RIN2: variants seen among roughly 807,000 people sequenced by gnomAD.
RIN2 encodes Ras and Rab interactor 2, also known as RAB5 interacting protein 2.
A neutral mutation model predicts 78.0 loss-of-function variants in RIN2; 36 were observed. That is an observed-to-expected ratio of 0.46 (90% CI 0.35 to 0.61). The LOEUF (loss-of-function observed/expected upper bound fraction) is 0.61. Ranked by LOEUF, RIN2 falls within the 20% of genes least tolerant of loss-of-function variation. The pLI, the probability that RIN2 is intolerant of heterozygous loss-of-function variation, is 0.00. For missense variants in RIN2, 1,087 were observed against 1,159.7 expected, an observed-to-expected ratio of 0.94 and a Z score of 0.91; for synonymous variants, 466 against 466.8, an observed-to-expected ratio of 1.00 and a Z score of 0.02.
At chr20:19,959,642 A>G (rs1034482285) in intron 5 of RIN2, among the ~76,000 whole-genome samples, 2 of 152,244 alleles carry the variant, frequency 1.3e-5, no homozygotes, top group African/African-American at 4.8e-5. Context: ...TTAGGCAGGG[A>G]AAAAATGAAA....
chr20:19,798,376 G>T (rs1568761242), intron 1 of RIN2, among the ~76,000 whole-genome samples: 1 of 152,168 alleles, frequency 6.6e-6, no homozygotes, highest in African/African-American at 2.4e-5. Flanking sequence ...ACCCAGGCAT[G>T]AAGGAAGGGA....
intron 1 of RIN2, among the ~76,000 whole-genome samples, chr20:19,799,295 G>T (rs1311389547): frequency 6.6e-6 from 1 of 152,182 alleles, no homozygotes; most frequent in African/African-American, 2.4e-5. Flanking sequence ...TGATGCAAGG[G>T]ATAAGGGAAG....
In RIN2 at chr20:19,948,891, C is replaced by T. The variant is rs1470850628; in HGVS notation, c.159-7724C>T. Among the ~76,000 whole-genome samples, 3 of 152,176 alleles carry T rather than the reference C, an allele frequency of 2.0e-5. No homozygotes were observed. In the East Asian group the frequency reaches 5.8e-4, roughly 29 times the overall value. Reference sequence around the variant, plus strand: ...GATCACAGCTCACTGCAGCCTCAACCTCCTAGGCTCAAGCAATCCACCTCC... The same window carrying T: ...GATCACAGCTCACTGCAGCCTCAACTTCCTAGGCTCAAGCAATCCACCTCC... On this transcript the variant is annotated intron_variant, in intron 4 of 12. Transcript: ENST00000255006.
intron 9 of RIN2, among the ~76,000 whole-genome samples, chr20:19,981,468 A>C (rs772476999): frequency 5.3e-5 from 8 of 152,216 alleles, no homozygotes; most frequent in Non-Finnish European, 1.0e-4. Context: ...GGGATGGAGT[A>C]GAATTAAGCT....
chr20:19,851,667 A>G (rs776930885), intron 2 of RIN2, among the ~76,000 whole-genome samples: 6 of 152,084 alleles, frequency 3.9e-5, no homozygotes, highest in Non-Finnish European at 7.4e-5. Flanking sequence ...GAATGCAGTG[A>G]GTTATGATTG....
At position 19,856,672 on chromosome 20, in the gene RIN2, A is replaced by C. The variant is rs1353980791; in HGVS notation, c.-36-32894A>C. On this transcript the variant is annotated intron_variant, in intron 2 of 12. Transcript: ENST00000255006. ...AGGGAGAGAGATATTGCCATGGTTTAATTGGCAATGTCTGTTTCATTAGAT... is the reference window on the plus strand; with the variant it reads ...AGGGAGAGAGATATTGCCATGGTTTCATTGGCAATGTCTGTTTCATTAGAT... Among the ~76,000 whole-genome samples the C allele has an allele frequency of 3.9e-5, 6 of 152,220 alleles. No homozygotes were observed. The South Asian group carries it at 8.3e-4, about 21-fold the overall frequency.
intron 10 of RIN2, among the ~76,000 whole-genome samples, chr20:19,991,577 G>C (rs2042799200): frequency 6.6e-6 from 1 of 152,168 alleles, no homozygotes; most frequent in South Asian, 2.1e-4. Flanking sequence ...ATCTCCAGTT[G>C]AGAACCACTG....
rs560359357 is a variant in RIN2 at position 19,889,465 on chromosome 20, C to T, written c.-36-101C>T. On this transcript the variant is annotated intron_variant, in intron 2 of 12. Transcript: ENST00000255006. ...GAAATAAATGGCACTGTGTTGTTGA[C>T]GGAAAAAGATCTTGGCAGGACTGTT... is the stretch of plus-strand genomic sequence containing the variant. The T allele has an allele frequency of 3.5e-5, 44 of 1,244,786 alleles. No homozygotes were observed. The South Asian group carries it at 4.1e-4, about 12-fold the overall frequency. 77.1% of individuals were successfully genotyped at this position (1,244,786 alleles called of 1,614,324 possible).
intron 1 of RIN2, among the ~76,000 whole-genome samples, chr20:19,767,558 T>C (rs1383608588): frequency 6.6e-6 from 1 of 152,102 alleles, no homozygotes; most frequent in Admixed American, 6.5e-5. Flanking sequence ...AGAATGACTT[T>C]TGCTTCTGAG....
At chr20:19,988,711 C>G (rs1368910247) in intron 9 of RIN2, among the ~76,000 whole-genome samples, 1 of 152,150 alleles carries the variant, frequency 6.6e-6, no homozygotes, top group African/African-American at 2.4e-5. Context: ...AAGAATAACG[C>G]CTCCCACACC....
intron 2 of RIN2, among the ~76,000 whole-genome samples, chr20:19,844,525 T>G (rs1297484355): frequency 1.1e-4 from 16 of 151,980 alleles, no homozygotes; most frequent in Admixed American, 1.0e-3. Context: ...AATGGGTGCA[T>G]GGCTGGTGTG....
chr20:19,973,724 G>A (rs1488898160), intron 8 of RIN2, among the ~76,000 whole-genome samples: 1 of 152,142 alleles, frequency 6.6e-6, no homozygotes, highest in African/African-American at 2.4e-5. Context: ...GGGAGGTGGT[G>A]GTTGCAGTGA....
intron 3 of RIN2, among the ~76,000 whole-genome samples, chr20:19,892,198 ATTGT>A (rs1298293946): frequency 2.0e-5 from 3 of 152,160 alleles, no homozygotes; most frequent in East Asian, 3.8e-4. Flanking sequence ...CAGAGTTTAA[ATTGT>A]TTAATTCATT....
chr20:19,816,999 G>T (rs758785555), intron 2 of RIN2, among the ~76,000 whole-genome samples: 1 of 151,816 alleles, frequency 6.6e-6, no homozygotes, highest in Non-Finnish European at 1.5e-5. Context: ...AGAGAAAATG[G>T]AGACATAGTC....
chr20:19,984,964 G>A (rs562588193), intron 9 of RIN2, among the ~76,000 whole-genome samples: 1 of 152,326 alleles, frequency 6.6e-6, no homozygotes, highest in East Asian at 1.9e-4. Context: ...TGCTGGCTCT[G>A]TCTTGCCTTC....
intron 2 of RIN2, among the ~76,000 whole-genome samples, chr20:19,832,370 C>G (rs1025789878): frequency 6.7e-6 from 1 of 148,666 alleles, no homozygotes; most frequent in Non-Finnish European, 1.5e-5. Flanking sequence ...TGTGGCATCC[C>G]GATGGCTCTC....
chr20:19,957,362 C>T (rs569238886), intron 5 of RIN2, among the ~76,000 whole-genome samples: 2 of 152,202 alleles, frequency 1.3e-5, no homozygotes, highest in African/African-American at 4.8e-5. Context: ...GACCACTCCA[C>T]GACTTGTGGA....
chr20:19,789,690 C>T (rs2034827822), intron 1 of RIN2, among the ~76,000 whole-genome samples: 1 of 152,324 alleles, frequency 6.6e-6, no homozygotes, highest in East Asian at 1.9e-4. Context: ...CTCTCAGGGA[C>T]ATCCAACTAT....
intron 7 of RIN2, among the ~76,000 whole-genome samples, chr20:19,968,822 G>T (rs2042016707): frequency 1.3e-5 from 2 of 152,152 alleles, no homozygotes; most frequent in South Asian, 4.1e-4. Flanking sequence ...GTGTTACAAG[G>T]TTGTGGTTCC....
Sources: gnomAD v4.1 joint callset for allele counts (sites outside exome capture counted in the v4.1 genomes callset) on GRCh38, gnomAD v4.1.1 for gene constraint, MANE v1.5 for transcripts, NCBI Gene and HGNC (gene_info 2026-07-23, HGNC 2026-07-21) for gene names.